The following USP32 variants were observed in gnomAD, a reference collection of about 807,000 sequenced individuals.
The protein encoded by USP32 is ubiquitin carboxyl-terminal hydrolase 32.
USP32 carries 59 observed loss-of-function variants against 204.8 expected under a neutral mutation model. That is an observed-to-expected ratio of 0.29 (90% CI 0.23 to 0.36). The LOEUF (loss-of-function observed/expected upper bound fraction) is 0.36, where lower values mean the gene tolerates loss of function less well. USP32 is among the 10% of genes least tolerant of loss of function. The pLI, the probability that USP32 is intolerant of heterozygous loss-of-function variation, is 1.00. For synonymous variants in USP32, 517 were observed against 678.4 expected (o/e 0.76, Z 3.70); for missense variants, 1,160 against 1,946.4 (o/e 0.60, Z 7.60).
intron 2 of USP32, among the ~76,000 whole-genome samples, chr17:60,320,311 T>C (rs1183838330): frequency 9.2e-5 from 14 of 152,118 alleles, no homozygotes; most frequent in Non-Finnish European, 1.9e-4. Flanking sequence ...ATATTAAACA[T>C]TGAAATAAAT....
rs894304764 is a variant in USP32, at chr17:60,297,921, G to A, written c.293-3120C>T. ...TAACTACAGCTTTGACTGGACAAGA[G>A]AGCTATTTCAGTAGCTATCAACAAG... is the stretch of plus-strand genomic sequence containing the variant. On this transcript the variant is annotated intron_variant, in intron 3 of 33. Transcript: ENST00000300896. Among the ~76,000 whole-genome samples the A allele has an allele frequency of 2.6e-5, 4 of 152,146 alleles. No individual in the cohort carries two copies. The East Asian group carries it at 7.7e-4, about 29-fold the overall frequency.
At chr17:60,358,696 G>T (rs1251823308) in intron 1 of USP32, among the ~76,000 whole-genome samples, 2 of 152,156 alleles carry the variant, frequency 1.3e-5, no homozygotes, top group Non-Finnish European at 2.9e-5. Flanking sequence ...ATTAAAAAAT[G>T]AACATTATTC....
chr17:60,379,588 T>A (rs2089611562), intron 1 of USP32, among the ~76,000 whole-genome samples: 1 of 152,178 alleles, frequency 6.6e-6, no homozygotes, highest in African/African-American at 2.4e-5. Flanking sequence ...CAGTGTAACC[T>A]ACAATTGTCT....
chr17:60,251,141 C>T (rs1287365640), intron 11 of USP32, among the ~76,000 whole-genome samples: 1 of 151,900 alleles, frequency 6.6e-6, no homozygotes, highest in African/African-American at 2.4e-5. Flanking sequence ...CAGGGTCTCA[C>T]CATGTTGCCC....
chr17:60,369,556 A>G (rs997997546), intron 1 of USP32, among the ~76,000 whole-genome samples: 1 of 152,172 alleles, frequency 6.6e-6, no homozygotes, highest in Non-Finnish European at 1.5e-5. Context: ...ATGTAAGAGT[A>G]AAAATGTAAA....
rs535891944 is a variant in USP32, at chr17:60,271,612, C to T, written c.572-131G>A. On this transcript the variant is annotated intron_variant, in intron 5 of 33. Coordinates refer to ENST00000300896, the MANE Select transcript of USP32 (RefSeq NM_032582.4). Reference sequence around the variant, plus strand: ...TCAATTGCTAAAAAATAATCACGACCAAAAACAAAACTGAAATTTATTATA... The same window carrying T: ...TCAATTGCTAAAAAATAATCACGACTAAAAACAAAACTGAAATTTATTATA... The T allele has an allele frequency of 6.4e-5, 58 of 903,676 alleles. No individual in the cohort carries two copies. The African/African-American group carries it at 9.2e-4, about 14-fold the overall frequency. The allele number at this position is 903,676 out of a possible 1,614,324, so 56.0% of individuals were successfully genotyped here. A position where few individuals can be genotyped will look rare whatever the true frequency, so the allele number is the denominator to read the frequency against.
intron 2 of USP32, among the ~76,000 whole-genome samples, chr17:60,308,527 A>C (rs2087781494): frequency 6.6e-6 from 1 of 152,226 alleles, no homozygotes; most frequent in South Asian, 2.1e-4. Flanking sequence ...AAATCCAAAA[A>C]TTTACAATCC....
chr17:60,373,443 ATT>A (rs138532417), intron 1 of USP32, among the ~76,000 whole-genome samples: 1,450 of 135,780 alleles, frequency 0.011, 12 homozygotes, highest in African/African-American at 0.021. Context: ...GCTTACTGTA[ATT>A]TTTTTTTTTT....
intron 1 of USP32, among the ~76,000 whole-genome samples, chr17:60,353,749 T>C (rs1305188110): frequency 6.6e-6 from 1 of 151,930 alleles, no homozygotes; most frequent in African/African-American, 2.4e-5. Flanking sequence ...TAAAAACAAA[T>C]AAAAAATAAT....
intron 31 of USP32, among the ~76,000 whole-genome samples, chr17:60,182,758 G>C (rs2084144317): frequency 6.6e-6 from 1 of 151,730 alleles, no homozygotes; most frequent in Non-Finnish European, 1.5e-5. Flanking sequence ...GACAGAGTGA[G>C]ACCCTGTCTC....
At chr17:60,294,546 G>T in intron 4 of USP32, 137 bp downstream of exon 4, 2 of 537,354 alleles carry the variant, frequency 3.7e-6, no homozygotes, top group East Asian at 3.0e-5. Context: ...GCACATAAAT[G>T]GAAACATCAA....
intron 1 of USP32, among the ~76,000 whole-genome samples, chr17:60,349,572 T>A (rs2146018470): frequency 2.4e-5 from 1 of 40,916 alleles, no homozygotes; most frequent in South Asian, 9.6e-4. Flanking sequence ...AGACTCTGTC[T>A]CAAAAGAAAA....
rs139396841 is a variant in USP32 at position 60,266,221 on chromosome 17, A to T, written c.812-130T>A. 652 of 634,990 alleles carry T rather than the reference A, an allele frequency of 1.0e-3. 5 individuals are homozygous for T. In the African/African-American group the frequency reaches 0.01, roughly 10 times the overall value. The allele number at this position is 634,990 out of a possible 1,614,324, so 39.3% of individuals were successfully genotyped here. ...GTATATGTATTCTGGAACAGTTCTCATCTGTAATAAACTATATTATGTCAT... is the reference window on the plus strand; with the variant it reads ...GTATATGTATTCTGGAACAGTTCTCTTCTGTAATAAACTATATTATGTCAT... On this transcript the variant is annotated intron_variant, in intron 7 of 33. Transcript: ENST00000300896.
intron 1 of USP32, among the ~76,000 whole-genome samples, chr17:60,360,433 T>C (rs557721168): frequency 6.6e-6 from 1 of 150,962 alleles, no homozygotes; most frequent in East Asian, 2.0e-4. Flanking sequence ...CCAAGGTGGG[T>C]GGATCACCTG....
At chr17:60,314,378 A>T (rs2087925335) in intron 2 of USP32, among the ~76,000 whole-genome samples, 1 of 152,044 alleles carries the variant, frequency 6.6e-6, no homozygotes, top group Non-Finnish European at 1.5e-5. Flanking sequence ...CCTGGGCTCC[A>T]GTGATCCACT....
At chr17:60,267,673 A>G (rs951962300) in intron 7 of USP32, among the ~76,000 whole-genome samples, 16 of 151,992 alleles carry the variant, frequency 1.1e-4, no homozygotes, top group African/African-American at 3.9e-4. Flanking sequence ...GGTGTCCACC[A>G]CCACGCCCGG....
chr17:60,309,277 A>G (rs1265318070), intron 2 of USP32, among the ~76,000 whole-genome samples: 1 of 152,152 alleles, frequency 6.6e-6, no homozygotes, highest in Non-Finnish European at 1.5e-5. Flanking sequence ...AAGGAGCTCA[A>G]ACAACTTACT....
intron 5 of USP32, among the ~76,000 whole-genome samples, chr17:60,274,146 G>A (rs796223485): frequency 4.6e-5 from 7 of 151,846 alleles, no homozygotes; most frequent in African/African-American, 1.7e-4. Flanking sequence ...TACTAAAGAT[G>A]AAAAATACAA....
chr17:60,256,811 T>C, intron 9 of USP32: 2 of 1,098,084 alleles, frequency 1.8e-6, no homozygotes, highest in Non-Finnish European at 2.3e-6. Flanking sequence ...GAATTCATAC[T>C]TATAGGTGAA....
Sources: gnomAD v4.1 joint callset for allele counts (sites outside exome capture counted in the v4.1 genomes callset) on GRCh38, gnomAD v4.1.1 for gene constraint, MANE v1.5 for transcripts, NCBI Gene and HGNC (gene_info 2026-07-23, HGNC 2026-07-21) for gene names.